KPNA2: variants seen among roughly 807,000 people sequenced by gnomAD.
The protein encoded by KPNA2 is karyopherin subunit alpha 2.
KPNA2 carries 20 observed loss-of-function variants against 53.7 expected under a neutral mutation model. The ratio of observed to expected loss-of-function variants is 0.37; its 90% CI spans 0.26 to 0.54. The LOEUF (loss-of-function observed/expected upper bound fraction) is 0.54. Among genes scored for constraint, KPNA2 ranks in the 20% least tolerant of loss-of-function variants. The pLI, the probability that KPNA2 is intolerant of heterozygous loss-of-function variation, is 0.83. For missense variants in KPNA2, 515 were observed against 640.3 expected, an observed-to-expected ratio of 0.80 and a Z score of 2.11; for synonymous variants, 238 against 227.5, an observed-to-expected ratio of 1.05 and a Z score of -0.42.
chr17:68,043,472 G>A, intron 7 of KPNA2, 109 bp downstream of exon 7: 2 of 1,068,434 alleles, frequency 1.9e-6, no homozygotes, highest in Admixed American at 4.2e-5. Context: ...GGGAGACCAA[G>A]GCAGGTGGAT....
rs1338971980 is a variant in KPNA2, at chr17:68,042,997, G to A, written c.664G>A (p.Ala222Thr). 4.3e-6 allele frequency: 7 copies of A among 1,612,736 alleles called. No individual in the cohort carries two copies. The highest frequency in any genetic ancestry group is 5.9e-6 in the Non-Finnish European group (7 of 1,179,080). Residue 222 changes from alanine to threonine, a missense_variant and splice_region_variant, in exon 6 of 11, where the codon GCA (alanine) becomes ACA (threonine). By Grantham distance (58) the Ala-to-Thr change is moderately conservative. Coordinates refer to ENST00000330459, the MANE Select transcript of KPNA2 (RefSeq NM_002266.4). ...LLAVPDMSSL[A>T]CGYLRNLTWT... ...TGCAGTTCCTGATATGTCATCTTTA[G>A]CAGTAAGTTACTAACATGAGTAAAG...
At position 68,045,976 on chromosome 17, in the gene KPNA2, T is replaced by A. The variant is rs529691420; in HGVS notation, c.1497+55T>A. The A allele has an allele frequency of 4.1e-5, 49 of 1,194,664 alleles. 1 individual carries two copies. In the East Asian group the frequency reaches 1.2e-3, roughly 29 times the overall value. 74.0% of individuals were successfully genotyped at this position (1,194,664 alleles called of 1,614,324 possible). On this transcript the variant is annotated intron_variant, in intron 10 of 10. Transcript: ENST00000330459. ...ACTTGGAAACATAAAGTCAAGGCCA[T>A]AAGCCTTTTTTTCCCTTTTAAAAAT...
chr17:68,041,567 A>G (rs1189573846), intron 4 of KPNA2, among the ~76,000 whole-genome samples: 2 of 152,180 alleles, frequency 1.3e-5, no homozygotes, highest in Non-Finnish European at 2.9e-5. Context: ...CAAAAAATAA[A>G]TAAATAAAAT....
At chr17:68,039,808 C>T (rs1044656026) in intron 3 of KPNA2, among the ~76,000 whole-genome samples, 1 of 148,344 alleles carries the variant, frequency 6.7e-6, no homozygotes, top group Non-Finnish European at 1.5e-5. Context: ...CATGGTAGCT[C>T]ATGCCTGTAA....
At chr17:68,037,946 G>T (rs183413188) in intron 3 of KPNA2, among the ~76,000 whole-genome samples, 1 of 151,814 alleles carries the variant, frequency 6.6e-6, no homozygotes, top group Non-Finnish European at 1.5e-5. Flanking sequence ...TTATGGGTGC[G>T]CATCACCACG....
At chr17:68,040,376 T>C (rs2071245060) in intron 3 of KPNA2, among the ~76,000 whole-genome samples, 1 of 151,270 alleles carries the variant, frequency 6.6e-6, no homozygotes. Flanking sequence ...CTTACAGGTG[T>C]GAGCCACCAT....
rs1175155052 is a variant in KPNA2, at chr17:68,044,417, A to G, written c.1261A>G (p.Ile421Val). The change falls in exon 9 of 11, where the codon ATA (isoleucine) becomes GTA (valine). Residue 421 changes from isoleucine to valine, a missense_variant. Transcript: ENST00000330459. ...GATTGTGTACCTTGTTCACTGTGGC[A>G]TAATAGAACCGTTGATGAACCTCTT... ...EQIVYLVHCG[I>V]IEPLMNLLTA... 4 of 1,614,024 alleles carry G rather than the reference A, an allele frequency of 2.5e-6. No individual in the cohort carries two copies. Among genetic ancestry groups the G allele is most frequent in the Non-Finnish European group, 3.4e-6 (4 of 1,179,842 alleles).
rs144455463 is a variant in KPNA2, at chr17:68,043,288, A to G, written c.855A>G (p.Arg285=). The G allele has an allele frequency of 6.8e-6, 11 of 1,614,208 alleles. No homozygotes were observed. The African/African-American group carries it at 1.5e-4, about 22-fold the overall frequency. ...ACCTTACTGATGGTCCAAATGAACG[A>G]ATTGGCATGGTGGTGAAAACAGGAG... is the stretch of plus-strand genomic sequence containing the variant. ...ISYLTDGPNE[R]IGMVVKTGVV... is the part of the protein sequence containing the mutation. The change falls in exon 7 of 11, where the codon CGA becomes CGG. Residue 285 remains arginine, a synonymous_variant. Transcript: ENST00000330459.
At chr17:68,042,414 G>T (rs2071271316) in intron 5 of KPNA2, 61 bp downstream of exon 5, 6 of 1,526,048 alleles carry the variant, frequency 3.9e-6, no homozygotes, top group Middle Eastern at 1.7e-4. Flanking sequence ...TGGAAGAAAG[G>T]CCTTGTTATA....
intron 3 of KPNA2, 135 bp from the exon 4 acceptor site, chr17:68,040,543 T>G: frequency 1.7e-6 from 1 of 597,758 alleles, no homozygotes; most frequent in Non-Finnish European, 3.0e-6. Flanking sequence ...ACAGGCAAAA[T>G]TAAATGTAGG....
At chr17:68,040,818 A>G (rs1568276026) in intron 4 of KPNA2, 52 bp downstream of exon 4, 1 of 919,162 alleles carries the variant, frequency 1.1e-6, no homozygotes, top group South Asian at 1.4e-5. Context: ...GTGTTTTTAG[A>G]TTTTTTTTTG....
chr17:68,043,130 C>T lies in KPNA2; in HGVS notation c.697C>T (p.Leu233Phe), dbSNP rs782168222. Reference sequence around the variant, plus strand: ...CTACTTACGTAATCTTACCTGGACACTTTCTAATCTTTGCCGCAACAAGAA... The same window carrying T: ...CTACTTACGTAATCTTACCTGGACATTTTCTAATCTTTGCCGCAACAAGAA... ...CGYLRNLTWT[L>F]SNLCRNKNPA... Residue 233 changes from leucine (L) to phenylalanine (F), a missense_variant, in exon 7 of 11, where the codon CTT becomes TTT. Coordinates refer to ENST00000330459, the MANE Select transcript of KPNA2 (RefSeq NM_002266.4). 2.5e-6 allele frequency: 4 copies of T among 1,613,992 alleles called. No individual in the cohort carries two copies. Among genetic ancestry groups the T allele is most frequent in the African/African-American group, 1.3e-5 (1 of 74,880 alleles).
At chr17:68,044,171 A>C in intron 8 of KPNA2, 100 bp downstream of exon 8, 1 of 1,271,048 alleles carries the variant, frequency 7.9e-7, no homozygotes, top group Non-Finnish European at 1.1e-6. Flanking sequence ...TTCTACTAGG[A>C]GTCCTTTGCT....
At chr17:68,038,646 C>T (rs782355101) in intron 3 of KPNA2, among the ~76,000 whole-genome samples, 17 of 152,078 alleles carry the variant, frequency 1.1e-4, no homozygotes, top group Non-Finnish European at 2.5e-4. Context: ...TTGCAGTGAG[C>T]CAAGATCATG....
chr17:68,036,935 G>A (rs1046151735), intron 1 of KPNA2, 175 bp from the exon 2 acceptor site: 21 of 541,960 alleles, frequency 3.9e-5, no homozygotes, highest in Admixed American at 1.5e-4. Flanking sequence ...TTAGAGGGAA[G>A]GGGGACACTT....
At chr17:68,043,551 A>G (rs1253423163) in intron 7 of KPNA2, among the ~76,000 whole-genome samples, 188 bp downstream of exon 7, 2 of 152,026 alleles carry the variant, frequency 1.3e-5, no homozygotes, top group African/African-American at 4.8e-5. Context: ...TAAAAATACA[A>G]AGAAATTATC....
rs377643744 is a variant in KPNA2 at position 68,043,227 on chromosome 17, C to T, written c.794C>T (p.Pro265Leu). 2 of 1,613,992 alleles carry T rather than the reference C, an allele frequency of 1.2e-6. No individual in the cohort carries two copies. The highest frequency in any genetic ancestry group is 2.7e-5 in the African/African-American group (2 of 74,892). ...GTTCGGCTCCTGCATCATGATGATC[C>T]AGAAGTATTAGCAGATACCTGCTGG... The part of the protein sequence containing the change: ...TLVRLLHHDD[P>L]EVLADTCWAI... The change falls in exon 7 of 11, where the codon CCA becomes CTA. Residue 265 changes from proline to leucine, a missense_variant. Transcript: ENST00000330459.
At chr17:68,046,284 GA>G (rs1478396098) in intron 10 of KPNA2, among the ~76,000 whole-genome samples, 6 of 152,006 alleles carry the variant, frequency 3.9e-5, no homozygotes, top group Non-Finnish European at 5.9e-5. Context: ...GGTTGGGGAA[GA>G]AAAAAATCTC....
Position 68,045,929 on chromosome 17 carries a change from A to G in KPNA2, c.1497+8A>G. On this transcript the variant is annotated splice_region_variant and intron_variant, in intron 10 of 10. Transcript: ENST00000330459. ...AAGTATTTCTCTGTAGAGGTGAGTA[A>G]TGGATGGTAATATTAATAACAACTT... 1 of 1,513,520 alleles carries G rather than the reference A, an allele frequency of 6.6e-7. No individual in the cohort carries two copies. The allele number at this position is 1,513,520 out of a possible 1,614,324, so 93.8% of individuals were successfully genotyped here.
Sources: gnomAD v4.1 joint callset for allele counts (sites outside exome capture counted in the v4.1 genomes callset) on GRCh38, gnomAD v4.1.1 for gene constraint, MANE v1.5 for transcripts, NCBI Gene and HGNC (gene_info 2026-07-23, HGNC 2026-07-21) for gene names.